The following GALNT2 variants were observed in gnomAD, a reference collection of about 807,000 sequenced individuals.
The protein encoded by GALNT2 is polypeptide N-acetylgalactosaminyltransferase 2.
GALNT2 carries 31 observed loss-of-function variants against 81.4 expected under a neutral mutation model. That is an observed-to-expected ratio of 0.38 (90% CI 0.29 to 0.51). The LOEUF (loss-of-function observed/expected upper bound fraction) is 0.51. Among genes scored for constraint, GALNT2 ranks in the 20% least tolerant of loss-of-function variants. GALNT2 has a pLI of 0.87. For synonymous variants in GALNT2, 303 were observed against 287.4 expected, an observed-to-expected ratio of 1.05 and a Z score of -0.55; for missense variants, 629 against 765.7, an observed-to-expected ratio of 0.82 and a Z score of 2.11.
At chr1:230,057,795 A>T (rs1361959543), upstream of GALNT2, among the ~76,000 whole-genome samples, 1 of 152,246 alleles carries the variant, frequency 6.6e-6, no homozygotes, top group African/African-American at 2.4e-5. Flanking sequence ...GGGCAGGCAC[A>T]CAAGGAACTG....
chr1:230,128,277 G>GTGTGTGTGTGTGTGTGTGTGT (rs1571994642), intron 1 of GALNT2, among the ~76,000 whole-genome samples: 2 of 151,870 alleles, frequency 1.3e-5, no homozygotes, highest in South Asian at 2.1e-4. Context: ...GTGTGTGTGT[G>GTGTGTGTGTGTGTGTGTGTGT]GTTATGAAGG....
chr1:230,212,371 T>A (rs1374489535), intron 3 of GALNT2, among the ~76,000 whole-genome samples: 2 of 152,202 alleles, frequency 1.3e-5, no homozygotes, highest in African/African-American at 2.4e-5. Flanking sequence ...TAAGGGAAGC[T>A]GGCCACACGT....
At chr1:230,200,047 T>A (rs1340887477) in intron 2 of GALNT2, among the ~76,000 whole-genome samples, 1 of 148,068 alleles carries the variant, frequency 6.8e-6, no homozygotes, top group African/African-American at 2.5e-5. Context: ...GTATGGTCAT[T>A]TAATTCTTTT....
At chr1:230,132,603 TG>T (rs1661403658) in intron 1 of GALNT2, among the ~76,000 whole-genome samples, 1 of 152,224 alleles carries the variant, frequency 6.6e-6, no homozygotes, top group Non-Finnish European at 1.5e-5. Context: ...CAGACTGTCT[TG>T]GAACTTGCTT....
At chr1:230,075,269 GCACCTA>G (rs1457495168) in intron 1 of GALNT2, among the ~76,000 whole-genome samples, 1 of 148,888 alleles carries the variant, frequency 6.7e-6, no homozygotes, top group African/African-American at 2.5e-5. Flanking sequence ...AGGATTACAG[GCACCTA>G]CCACCATGCC....
rs907076065 is a variant in GALNT2, at chr1:230,275,059, T to C, written c.1560+495T>C. 2.0e-5 allele frequency among the ~76,000 whole-genome samples: 3 copies of C among 149,968 alleles called. No individual in the cohort carries two copies. The highest frequency in any genetic ancestry group is 7.3e-5 in the African/African-American group (3 of 40,996). ...TATATACACATATATACATGCCACA[T>C]ATATACGTATATATATACACACCAC... is the stretch of plus-strand genomic sequence containing the variant. On this transcript the variant is annotated intron_variant, in intron 15 of 15. Coordinates refer to ENST00000366672, the MANE Select transcript of GALNT2 (RefSeq NM_004481.5). This position sits in a 1 kb window ranked among gnomAD's most constrained non-coding sequence, Gnocchi z 5.5.
intron 1 of GALNT2, among the ~76,000 whole-genome samples, chr1:230,100,625 G>A (rs1660375829): frequency 6.6e-6 from 1 of 152,100 alleles, no homozygotes; most frequent in South Asian, 2.1e-4. Context: ...AGCACCCGGC[G>A]TTTTTATTCT....
At chr1:230,061,359 T>G (rs966106837) in intron 1 of GALNT2, among the ~76,000 whole-genome samples, 3 of 152,116 alleles carry the variant, frequency 2.0e-5, no homozygotes, top group African/African-American at 7.2e-5. Flanking sequence ...CAAAACAATG[T>G]ATTTCCTGAT....
chr1:230,141,207 A>T (rs1661719383), intron 1 of GALNT2, among the ~76,000 whole-genome samples: 1 of 152,222 alleles, frequency 6.6e-6, no homozygotes, highest in Admixed American at 6.5e-5. Flanking sequence ...TTAATATTAC[A>T]GCTGAAAGGA....
In GALNT2 at chr1:230,076,032, T is replaced by C. The variant is rs573783135; in HGVS notation, c.126+8626T>C. Among the ~76,000 whole-genome samples, 8 of 152,280 alleles carry C rather than the reference T, an allele frequency of 5.3e-5. 1 individual carries two copies. The South Asian group carries it at 1.5e-3, about 28-fold the overall frequency. On this transcript the variant is annotated intron_variant, in intron 1 of 15. Transcript: ENST00000366672. Reference sequence around the variant, plus strand: ...GCCTTTGGTTGGCTAGTGGTGGAGTTTCCCTCCATGCTGTAGACATCTTGG... The same window carrying C: ...GCCTTTGGTTGGCTAGTGGTGGAGTCTCCCTCCATGCTGTAGACATCTTGG...
rs370280043 is a variant in GALNT2, at chr1:230,275,234, T to A, written c.1560+670T>A. Among the ~76,000 whole-genome samples the A allele has an allele frequency of 3.1e-4, 47 of 151,572 alleles. No individual in the cohort carries two copies. In the South Asian group the frequency reaches 9.4e-3, roughly 30 times the overall value. On this transcript the variant is annotated intron_variant, in intron 15 of 15. Coordinates refer to ENST00000366672, the MANE Select transcript of GALNT2 (RefSeq NM_004481.5). The surrounding 1 kb of genome is among the most constrained non-coding windows in gnomAD (Gnocchi z 5.5). The stretch of plus-strand genomic sequence containing the variant: ...CATATGCATGCCACATATATGCATA[T>A]GTAAACACCGCATATATACATATAT...
intron 1 of GALNT2, among the ~76,000 whole-genome samples, chr1:230,122,858 C>G (rs1661060747): frequency 6.6e-6 from 1 of 152,160 alleles, no homozygotes. Flanking sequence ...TGACATCTGC[C>G]TGTGGAATGC....
At chr1:230,144,235 T>C (rs570976676) in intron 1 of GALNT2, among the ~76,000 whole-genome samples, 3 of 152,168 alleles carry the variant, frequency 2.0e-5, no homozygotes, top group Non-Finnish European at 2.9e-5. Context: ...AGAGTGACCA[T>C]GCTATTTAGT....
At chr1:230,270,368 C>G in intron 14 of GALNT2, among the ~76,000 whole-genome samples, 1 of 152,174 alleles carries the variant, frequency 6.6e-6, no homozygotes, top group East Asian at 1.9e-4. Flanking sequence ...AGTCTGGGGC[C>G]AGTGGGCTAC....
chr1:230,174,523 C>G (rs1179183431), intron 1 of GALNT2, among the ~76,000 whole-genome samples: 1 of 152,152 alleles, frequency 6.6e-6, no homozygotes, highest in Non-Finnish European at 1.5e-5. Context: ...AACTGTCTTG[C>G]ATTTCTTCTC....
At position 230,151,688 on chromosome 1, in the gene GALNT2, C is replaced by T. The variant is rs535319722; in HGVS notation, c.127-26530C>T. Among the ~76,000 whole-genome samples the T allele has an allele frequency of 1.4e-4, 22 of 152,266 alleles. No individual in the cohort carries two copies. The South Asian group carries it at 4.4e-3, about 30-fold the overall frequency. ...TTCAACTACAGATGAACCAGTGTTACAGGAAAGGGGTCCCGATCCAGACCC... is the reference window on the plus strand; with the variant it reads ...TTCAACTACAGATGAACCAGTGTTATAGGAAAGGGGTCCCGATCCAGACCC... On this transcript the variant is annotated intron_variant, in intron 1 of 15. Coordinates refer to ENST00000366672, the MANE Select transcript of GALNT2 (RefSeq NM_004481.5).
chr1:230,250,484 T>G lies in GALNT2; in HGVS notation c.933T>G (p.Phe311Leu). The change falls in exon 10 of 16, where the codon TTT becomes TTG. Residue 311 changes from phenylalanine (F) to leucine (L), a missense_variant. Physicochemically the swap from Phe to Leu is conservative, Grantham distance 22. Transcript: ENST00000366672. ...IKTPMIAGGL[F>L]VMDKFYFEEL... Reference sequence around the variant, plus strand: ...CCCCCATGATTGCTGGTGGGCTGTTTGTGATGGATAAGTTCTATTTTGAAG... The same window carrying G: ...CCCCCATGATTGCTGGTGGGCTGTTGGTGATGGATAAGTTCTATTTTGAAG... 6.2e-7 allele frequency: 1 copy of G among 1,614,020 alleles called. No individual in the cohort carries two copies. The highest frequency in any genetic ancestry group is 8.5e-7 in the Non-Finnish European group (1 of 1,179,962).
At chr1:230,082,015 C>A (rs1659748004) in intron 1 of GALNT2, among the ~76,000 whole-genome samples, 1 of 152,216 alleles carries the variant, frequency 6.6e-6, no homozygotes, top group Admixed American at 6.5e-5. Flanking sequence ...TGGGGCTGGT[C>A]TGGCTTGACT....
intron 1 of GALNT2, among the ~76,000 whole-genome samples, chr1:230,090,464 A>G (rs951321553): frequency 1.2e-4 from 18 of 152,140 alleles, no homozygotes; most frequent in African/African-American, 4.3e-4. Context: ...CTGCTACCAG[A>G]ACTGGTGTCC....
Sources: gnomAD v4.1 joint callset for allele counts (sites outside exome capture counted in the v4.1 genomes callset) on GRCh38, gnomAD v4.1.1 for gene constraint, Gnocchi (gnomAD v3.1) non-coding constraint, MANE v1.5 for transcripts, NCBI Gene and HGNC (gene_info 2026-07-23, HGNC 2026-07-21) for gene names.